Variants in DPYD observed in about 807,000 individuals in gnomAD.
DPYD encodes dihydropyrimidine dehydrogenase [NADP(+)].
Under a neutral mutation model 116.2 loss-of-function variants are expected in DPYD, and 109 were observed. That is an observed-to-expected ratio of 0.94 (90% CI 0.80 to 1.10). The LOEUF is 1.10. Among genes scored for constraint, DPYD ranks in the 50% least tolerant of loss-of-function variants. The pLI is 0.00. For synonymous variants in DPYD, 440 were observed against 432.0 expected (o/e 1.02, Z -0.23); for missense variants, 1,302 against 1,254.5 (o/e 1.04, Z -0.57).
chr1:97,856,275 T>C (rs914860856), intron 2 of DPYD: 2 of 152,150 alleles, frequency 1.3e-5, no homozygotes, highest in Admixed American at 6.5e-5. Flanking sequence ...AAATGAAATA[T>C]ATTTTCACAA....
At chr1:97,841,809 C>T (rs745631886) in intron 2 of DPYD, among the ~76,000 whole-genome samples, 3 of 151,778 alleles carry the variant, frequency 2.0e-5, no homozygotes, top group Non-Finnish European at 4.4e-5. Flanking sequence ...CAACATTATG[C>T]TTATTTTTTG....
chr1:97,322,119 G>T (rs1570516168), intron 16 of DPYD, among the ~76,000 whole-genome samples: 1 of 135,950 alleles, frequency 7.4e-6, no homozygotes, highest in African/African-American at 2.7e-5. Context: ...AGCATTGGGA[G>T]ATATACCTAA....
chr1:97,371,061 T>C (rs1671287564), intron 16 of DPYD, among the ~76,000 whole-genome samples: 1 of 152,138 alleles, frequency 6.6e-6, no homozygotes, highest in South Asian at 2.1e-4. Flanking sequence ...TAGATGTGTA[T>C]ATATAAGCTT....
intron 18 of DPYD, among the ~76,000 whole-genome samples, chr1:97,280,616 C>A (rs544413292): frequency 6.6e-6 from 1 of 151,906 alleles, no homozygotes; most frequent in African/African-American, 2.4e-5. Flanking sequence ...CAGGGTATTA[C>A]GTTAAGTGAA....
chr1:97,237,848 T>A (rs1662059067), intron 18 of DPYD, among the ~76,000 whole-genome samples: 1 of 152,170 alleles, frequency 6.6e-6, no homozygotes, highest in African/African-American at 2.4e-5. Flanking sequence ...TTTTCCTCCC[T>A]TATTTAGTTG....
chr1:97,477,577 T>C (rs930982437), intron 13 of DPYD, among the ~76,000 whole-genome samples: 1 of 151,918 alleles, frequency 6.6e-6, no homozygotes, highest in Admixed American at 6.6e-5. Flanking sequence ...AATATGAAGA[T>C]TCTGACCTCC....
At chr1:97,295,273 C>T (rs975783478) in intron 18 of DPYD, among the ~76,000 whole-genome samples, 8 of 152,046 alleles carry the variant, frequency 5.3e-5, no homozygotes, top group South Asian at 2.1e-4. Flanking sequence ...TCCAAGGCCT[C>T]GATATTCCCA....
rs1183080846 is a variant in DPYD, at chr1:97,620,484, A to C, written c.851-25318T>G. ...TCCCCGCTTGGCTTCCCAAAGTGTT[A>C]GGATTACAAGTGTGAGCCAAGGCAC... is the stretch of plus-strand genomic sequence containing the variant. On this transcript the variant is annotated intron_variant, in intron 8 of 22. Coordinates refer to ENST00000370192, the MANE Select transcript of DPYD (RefSeq NM_000110.4). 2.6e-5 allele frequency among the ~76,000 whole-genome samples: 4 copies of C among 152,130 alleles called. No homozygotes were observed. The East Asian group carries it at 7.7e-4, about 29-fold the overall frequency.
At chr1:97,904,414 G>A (rs1673507500) in intron 1 of DPYD, among the ~76,000 whole-genome samples, 1 of 151,914 alleles carries the variant, frequency 6.6e-6, no homozygotes, top group Non-Finnish European at 1.5e-5. Flanking sequence ...ACTGAAGGCA[G>A]TTAAGAAGAA....
At chr1:97,331,026 T>C (rs1012953289) in intron 16 of DPYD, among the ~76,000 whole-genome samples, 3 of 152,176 alleles carry the variant, frequency 2.0e-5, no homozygotes, top group Admixed American at 2.0e-4. Flanking sequence ...TGCTGACATA[T>C]TTCATATGAT....
chr1:97,698,949 A>T (rs765481713), intron 6 of DPYD, among the ~76,000 whole-genome samples: 5 of 152,074 alleles, frequency 3.3e-5, no homozygotes, highest in African/African-American at 9.7e-5. Flanking sequence ...GTAAGACAAC[A>T]TATCTATGTA....
chr1:97,877,434 C>A (rs1053408968), intron 2 of DPYD, among the ~76,000 whole-genome samples: 2 of 152,064 alleles, frequency 1.3e-5, no homozygotes, highest in Admixed American at 1.3e-4. Flanking sequence ...CAGATACTTA[C>A]AATAGAATTA....
At chr1:97,210,223 A>T (rs914440165) in intron 19 of DPYD, among the ~76,000 whole-genome samples, 3 of 152,166 alleles carry the variant, frequency 2.0e-5, no homozygotes, top group African/African-American at 7.2e-5. Context: ...CATGTGTTTA[A>T]AGCTAATAAA....
rs201841475 is a variant in DPYD, at chr1:97,740,455, C to T, written c.258G>A (p.Pro86=). 6.3e-5 allele frequency: 102 copies of T among 1,612,980 alleles called. No individual in the cohort carries two copies. The highest frequency in any genetic ancestry group is 4.4e-4 in the South Asian group (40 of 91,060). ...GATTAGTTGGACAGCTCTTCTGACA[C>T]GGGGCATCTGCACATTTCAGGCATC... The part of the protein sequence containing the change: ...AMRCLKCADA[P]CQKSCPTNLD... Residue 86 remains proline, a synonymous_variant, in exon 4 of 23, where the codon CCG becomes CCA. Transcript: ENST00000370192.
intron 6 of DPYD, among the ~76,000 whole-genome samples, chr1:97,692,513 T>C (rs1661062868): frequency 1.3e-5 from 2 of 152,208 alleles, no homozygotes; most frequent in Non-Finnish European, 2.9e-5. Context: ...AGTGTTTTGT[T>C]AACAATTAAA....
chr1:97,162,733 G>C lies in DPYD; in HGVS notation c.2622+30336C>G, dbSNP rs61786265. On this transcript the variant is annotated intron_variant, in intron 20 of 22. Transcript: ENST00000370192. ...TCATGCTACCTGACTTCAAACTATA[G>C]TACAAGGCTACAGTAACCAAAACAG... Among the ~76,000 whole-genome samples, 43 of 151,728 alleles carry C rather than the reference G, an allele frequency of 2.8e-4. 1 individual carries two copies. The highest frequency in any genetic ancestry group is 3.4e-4 in the African/African-American group (14 of 41,262).
rs559278094 is a variant in DPYD at position 97,216,184 on chromosome 1, GTC to G, written c.2442+18666_2442+18667del. On this transcript the variant is annotated intron_variant, in intron 19 of 22. Transcript: ENST00000370192. ...GTAATTAGAATCTGTAAAAATTCAT[GTC>G]TCTGTCTCAAAAGCCTTTTAGAAAT... Among the ~76,000 whole-genome samples the G allele has an allele frequency of 3.0e-4, 45 of 152,194 alleles. No individual in the cohort carries two copies. The South Asian group carries it at 9.3e-3, about 32-fold the overall frequency.
At chr1:97,388,082 A>C (rs1457740037) in intron 14 of DPYD, among the ~76,000 whole-genome samples, 1 of 152,136 alleles carries the variant, frequency 6.6e-6, no homozygotes, top group African/African-American at 2.4e-5. Context: ...AGAGAAGTGG[A>C]TAGTTCTGAG....
Position 97,736,850 on chromosome 1 carries a change from TTGTG to T in DPYD, c.321+3538_321+3541del, listed in dbSNP as rs71590232. On this transcript the variant is annotated intron_variant, in intron 4 of 22. Coordinates refer to ENST00000370192, the MANE Select transcript of DPYD (RefSeq NM_000110.4). ...GAGGTGGGGGTGTGTGTGTGTGCATTTGTGTGTGTGTGTGTGTGTGTGTGTGTGT... is the reference window on the plus strand; with the variant it reads ...GAGGTGGGGGTGTGTGTGTGTGCATTTGTGTGTGTGTGTGTGTGTGTGTGT... Among the ~76,000 whole-genome samples, 1,098 of 142,076 alleles carry T rather than the reference TTGTG, an allele frequency of 7.7e-3. 5 individuals are homozygous for T. Among genetic ancestry groups the T allele is most frequent in the East Asian group, 0.023 (110 of 4,736 alleles). The allele number at this position is 142,076 out of a possible 152,430, so 93.2% of individuals were successfully genotyped here.
Sources: allele counts gnomAD v4.1 joint callset (sites outside exome capture counted in the v4.1 genomes callset), GRCh38; gene constraint gnomAD v4.1.1; transcripts MANE v1.5; gene names NCBI Gene and HGNC (gene_info 2026-07-23, HGNC 2026-07-21).